MGAT4C: variants seen among roughly 807,000 people sequenced by gnomAD.
The protein encoded by MGAT4C is alpha-1,3-mannosyl-glycoprotein 4-beta-N-acetylglucosaminyltransferase C.
Under a neutral mutation model 40.1 loss-of-function variants are expected in MGAT4C, and 19 were observed. That is an observed-to-expected ratio of 0.47 (90% CI 0.33 to 0.70). The LOEUF (loss-of-function observed/expected upper bound fraction) is 0.70. Ranked by LOEUF, MGAT4C falls within the 30% of genes least tolerant of loss-of-function variation. The pLI, the probability that MGAT4C is intolerant of heterozygous loss-of-function variation, is 0.02. For synonymous variants in MGAT4C, 181 were observed against 187.1 expected (o/e 0.97, Z 0.27); for missense variants, 491 against 563.2 (o/e 0.87, Z 1.30).
intron 1 of MGAT4C, among the ~76,000 whole-genome samples, chr12:86,172,404 A>G (rs1200256745): frequency 3.9e-5 from 6 of 152,154 alleles, no homozygotes; most frequent in Non-Finnish European, 7.4e-5. Flanking sequence ...TTTTTATTTC[A>G]TTTTAACAAA....
At chr12:86,635,412 A>G (rs1171381729) in intron 2 of MGAT4C, among the ~76,000 whole-genome samples, 1 of 152,084 alleles carries the variant, frequency 6.6e-6, no homozygotes, top group Non-Finnish European at 1.5e-5. Context: ...CACATCAATT[A>G]CATAGTATAG....
chr12:86,370,707 C>A (rs914729274), intron 3 of MGAT4C, among the ~76,000 whole-genome samples: 9 of 152,066 alleles, frequency 5.9e-5, no homozygotes, highest in African/African-American at 2.2e-4. Flanking sequence ...TCCTGAGTAA[C>A]TTGTTTTCCT....
At chr12:86,607,799 T>G (rs7131820) in intron 2 of MGAT4C, among the ~76,000 whole-genome samples, 5,272 of 152,236 alleles carry the variant, frequency 0.035, 134 homozygotes, top group Non-Finnish European at 0.048. Context: ...TTTGCCTGAT[T>G]TGTAAAACTT....
At chr12:86,686,954 C>T (rs942294178) in intron 2 of MGAT4C, among the ~76,000 whole-genome samples, 10 of 152,118 alleles carry the variant, frequency 6.6e-5, no homozygotes, top group Non-Finnish European at 1.3e-4. Context: ...GCTGTGAATC[C>T]GTCTGGTCCT....
At chr12:86,419,936 G>GA (rs1003812590) in intron 3 of MGAT4C, among the ~76,000 whole-genome samples, 19 of 151,972 alleles carry the variant, frequency 1.3e-4, no homozygotes, top group African/African-American at 4.6e-4. Flanking sequence ...ACAGAGATAG[G>GA]AAAAAACACT....
intron 1 of MGAT4C, among the ~76,000 whole-genome samples, chr12:86,733,451 A>C (rs566702659): frequency 1.7e-4 from 26 of 152,030 alleles, no homozygotes; most frequent in Non-Finnish European, 3.1e-4. Context: ...AAACAAACAA[A>C]CACAAAGTTT....
chr12:86,659,693 T>A (rs1020175053), intron 2 of MGAT4C, among the ~76,000 whole-genome samples: 1 of 152,030 alleles, frequency 6.6e-6, no homozygotes, highest in Non-Finnish European at 1.5e-5. Context: ...AGCTCCTCTC[T>A]TTTTCCCCAT....
intron 1 of MGAT4C, among the ~76,000 whole-genome samples, chr12:86,239,083 G>A (rs1345535704): frequency 6.6e-6 from 1 of 151,832 alleles, no homozygotes; most frequent in African/African-American, 2.4e-5. Flanking sequence ...GGCATTCGGC[G>A]AGTGTTCTTG....
At chr12:86,046,464 C>A (rs1892404035) in intron 2 of MGAT4C, among the ~76,000 whole-genome samples, 1 of 152,110 alleles carries the variant, frequency 6.6e-6, no homozygotes, top group Non-Finnish European at 1.5e-5. Context: ...ATCATTTTAG[C>A]CAAGATCATT....
At chr12:86,393,988 A>C (rs776000124) in intron 3 of MGAT4C, among the ~76,000 whole-genome samples, 1 of 152,176 alleles carries the variant, frequency 6.6e-6, no homozygotes, top group Non-Finnish European at 1.5e-5. Context: ...ATAGACTCCA[A>C]TGATTTTTTC....
At chr12:86,188,338 A>T (rs1387793609) in intron 1 of MGAT4C, among the ~76,000 whole-genome samples, 1 of 152,008 alleles carries the variant, frequency 6.6e-6, no homozygotes, top group Non-Finnish European at 1.5e-5. Context: ...AGCATTTAAA[A>T]TTCCCTCAGG....
intron 2 of MGAT4C, among the ~76,000 whole-genome samples, chr12:86,597,517 A>C (rs1320738832): frequency 6.6e-6 from 1 of 152,070 alleles, no homozygotes; most frequent in Non-Finnish European, 1.5e-5. Flanking sequence ...AATCATGTAG[A>C]CTCTGTTAAA....
intron 4 of MGAT4C, among the ~76,000 whole-genome samples, chr12:86,270,082 TTTGAGACA>T (rs1952904403): frequency 6.6e-6 from 1 of 152,106 alleles, no homozygotes; most frequent in African/African-American, 2.4e-5. Flanking sequence ...TTGTTTTTCT[TTTGAGACA>T]GAGTCTCACT....
At chr12:86,480,442 A>G (rs1362445312) in intron 2 of MGAT4C, among the ~76,000 whole-genome samples, 1 of 151,386 alleles carries the variant, frequency 6.6e-6, no homozygotes. Context: ...GTATGTATGT[A>G]TACATATATA....
At chr12:86,407,012 T>A (rs1956487250) in intron 3 of MGAT4C, among the ~76,000 whole-genome samples, 1 of 152,136 alleles carries the variant, frequency 6.6e-6, no homozygotes, top group Admixed American at 6.6e-5. Flanking sequence ...CACCTATACT[T>A]CTGACTGAGT....
intron 2 of MGAT4C, among the ~76,000 whole-genome samples, chr12:86,581,852 G>A (rs754633705): frequency 6.6e-6 from 1 of 151,390 alleles, no homozygotes; most frequent in Non-Finnish European, 1.5e-5. Context: ...ATTAAGGAAT[G>A]TGCTGTGCTG....
intron 2 of MGAT4C, among the ~76,000 whole-genome samples, chr12:86,474,198 ATGATGAGT>A (rs1233743650): frequency 2.0e-5 from 3 of 151,918 alleles, no homozygotes; most frequent in African/African-American, 7.3e-5. Flanking sequence ...GCCATAAAAA[ATGATGAGT>A]TCATGTCCTT....
chr12:86,244,699 A>G (rs1051652221), intron 1 of MGAT4C, among the ~76,000 whole-genome samples: 3 of 152,168 alleles, frequency 2.0e-5, no homozygotes, highest in Admixed American at 6.5e-5. Context: ...AAAATGCTCT[A>G]TGAGCACAAA....
At chr12:86,569,915 T>C (rs1960293014) in intron 2 of MGAT4C, among the ~76,000 whole-genome samples, 1 of 152,196 alleles carries the variant, frequency 6.6e-6, no homozygotes, top group South Asian at 2.1e-4. Context: ...TGGATGAACC[T>C]GGAGGGCATT....
Sources: gnomAD v4.1 joint callset for allele counts (sites outside exome capture counted in the v4.1 genomes callset) on GRCh38, gnomAD v4.1.1 for gene constraint, MANE v1.5 for transcripts, NCBI Gene and HGNC (gene_info 2026-07-23, HGNC 2026-07-21) for gene names.